LGR6: variants seen among roughly 807,000 people sequenced by gnomAD.
LGR6 encodes the protein leucine rich repeat containing G protein-coupled receptor 6.
In LGR6, 45 loss-of-function variants were observed where a neutral mutation model predicts 69.4. That is an observed-to-expected ratio of 0.65 (90% CI 0.51 to 0.83). The LOEUF is 0.83. Among genes scored for constraint, LGR6 ranks in the 40% least tolerant of loss-of-function variants. The pLI, the probability that LGR6 is intolerant of heterozygous loss-of-function variation, is 0.00. For missense variants in LGR6, 1,108 were observed against 1,246.7 expected (o/e 0.89, Z 1.68); for synonymous variants, 538 against 555.0 (o/e 0.97, Z 0.43).
intron 4 of LGR6, among the ~76,000 whole-genome samples, chr1:202,245,487 G>T (rs537057650): frequency 1.2e-4 from 18 of 152,254 alleles, no homozygotes; most frequent in Admixed American, 4.6e-4. Context: ...GGAGCAGTGC[G>T]GGAACACCTC....
chr1:202,314,947 G>A, intron 17 of LGR6, 65 bp downstream of exon 17: 1 of 1,194,732 alleles, frequency 8.4e-7, no homozygotes, highest in South Asian at 1.2e-5. Context: ...CCACCTAGTT[G>A]AGGTATTAGT....
At chr1:202,204,252 C>T (rs1330148226) in intron 1 of LGR6, among the ~76,000 whole-genome samples, 1 of 140,956 alleles carries the variant, frequency 7.1e-6, no homozygotes, top group Non-Finnish European at 1.5e-5. Flanking sequence ...CACCTCCACA[C>T]ACAACCTCCA....
intron 6 of LGR6, among the ~76,000 whole-genome samples, chr1:202,282,562 TAGGGCAGTGTTTGGAG>T (rs1478446571): frequency 6.6e-6 from 1 of 152,156 alleles, no homozygotes; most frequent in African/African-American, 2.4e-5. Flanking sequence ...TAAGAGCTTT[TAGGGCAGTGTTTGGAG>T]TTGCCATGGA....
chr1:202,314,741 A>AAGGT, intron 16 of LGR6, 61 bp from the exon 17 acceptor site: 1 of 1,197,682 alleles, frequency 8.3e-7, no homozygotes. Context: ...CATTTGGAGA[A>AAGGT]AGGTAGGGCT....
chr1:202,232,519 G>A (rs1168470378), intron 3 of LGR6, among the ~76,000 whole-genome samples: 3 of 152,020 alleles, frequency 2.0e-5, no homozygotes, highest in Non-Finnish European at 4.4e-5. Context: ...CCTGGGCATT[G>A]GGATTTTAAA....
At chr1:202,219,039 G>A (rs934158716) in intron 1 of LGR6, among the ~76,000 whole-genome samples, 17 of 152,160 alleles carry the variant, frequency 1.1e-4, no homozygotes, top group Admixed American at 6.5e-5. Flanking sequence ...AGGGCTGGCC[G>A]GGAACTTAGC....
intron 7 of LGR6, among the ~76,000 whole-genome samples, chr1:202,300,044 T>G (rs1667466083): frequency 6.6e-6 from 1 of 152,206 alleles, no homozygotes; most frequent in South Asian, 2.1e-4. Flanking sequence ...CTGCGTGCTG[T>G]TGACACTTCT....
At chr1:202,198,855 T>G (rs934192471) in intron 1 of LGR6, among the ~76,000 whole-genome samples, 1 of 151,516 alleles carries the variant, frequency 6.6e-6, no homozygotes, top group African/African-American at 2.4e-5. Flanking sequence ...TTGGAGAGGA[T>G]GTGTTGTGAG....
chr1:202,252,820 G>A (rs1663382128), intron 4 of LGR6, among the ~76,000 whole-genome samples: 2 of 152,214 alleles, frequency 1.3e-5, no homozygotes, highest in South Asian at 2.1e-4. Context: ...CAAGAGTCCT[G>A]AATCTGACTG....
In LGR6 at chr1:202,297,583, G is replaced by A. The variant is rs75131510; in HGVS notation, c.785+7G>A. 618 of 1,612,758 alleles carry A rather than the reference G, an allele frequency of 3.8e-4. 8 individuals carry two copies. The East Asian group carries it at 0.011, about 29-fold the overall frequency. On this transcript the variant is annotated splice_region_variant and intron_variant, in intron 7 of 17. Coordinates refer to ENST00000367278, the MANE Select transcript of LGR6 (RefSeq NM_001017403.2). ...TGGGCAGACTGCAGGAACTGTAAGCGCCTCTTTTGGTTTCTGTGGGTGTCC... is the reference window on the plus strand; with the variant it reads ...TGGGCAGACTGCAGGAACTGTAAGCACCTCTTTTGGTTTCTGTGGGTGTCC...
At chr1:202,295,732 A>C (rs1667105091) in intron 6 of LGR6, among the ~76,000 whole-genome samples, 1 of 152,212 alleles carries the variant, frequency 6.6e-6, no homozygotes. Flanking sequence ...CTCTGTGAGC[A>C]AATCAACAAG....
Position 202,318,029 on chromosome 1 carries a change from G to C in LGR6, c.1726G>C (p.Val576Leu). 6.2e-7 allele frequency: 1 copy of C among 1,614,136 alleles called. No individual in the cohort carries two copies. Among genetic ancestry groups the C allele is most frequent in the Non-Finnish European group, 8.5e-7 (1 of 1,180,030 alleles). ...LAVWAIVLLS[V>L]LCNGLVLLTV... ...CGTGTGGGCCATCGTGTTGCTCTCC[G>C]TGCTCTGCAATGGACTGGTGCTGCT... The change falls in exon 18 of 18, where the codon GTG (valine) becomes CTG (leucine). Residue 576 changes from valine (V) to leucine (L), a missense_variant. By Grantham distance (32) the Val-to-Leu change is conservative. Coordinates refer to ENST00000367278, the MANE Select transcript of LGR6 (RefSeq NM_001017403.2).
intron 4 of LGR6, among the ~76,000 whole-genome samples, chr1:202,271,488 G>A (rs1048043387): frequency 3.9e-5 from 6 of 152,114 alleles, no homozygotes; most frequent in African/African-American, 1.2e-4. Flanking sequence ...GGTTCCTGGG[G>A]GCAGGGAGCA....
Position 202,215,488 on chromosome 1 carries a change from C to T in LGR6, c.213-9935C>T, listed in dbSNP as rs530076669. Among the ~76,000 whole-genome samples, 38 of 152,288 alleles carry T rather than the reference C, an allele frequency of 2.5e-4. No homozygotes were observed. In the South Asian group the frequency reaches 7.9e-3, roughly 32 times the overall value. On this transcript the variant is annotated intron_variant, in intron 1 of 17. Coordinates refer to ENST00000367278, the MANE Select transcript of LGR6 (RefSeq NM_001017403.2). ...CAGAATTCACGCCCACATACCTCCA[C>T]ACACAGAAACAGTGCCCTCCTAGAT...
chr1:202,236,797 G>C (rs1000622174), intron 4 of LGR6, among the ~76,000 whole-genome samples: 1 of 152,148 alleles, frequency 6.6e-6, no homozygotes, highest in Admixed American at 6.5e-5. Flanking sequence ...GTTAGCTAGT[G>C]GGGGAAACTG....
intron 4 of LGR6, among the ~76,000 whole-genome samples, chr1:202,243,608 C>T (rs1263874860): frequency 6.6e-6 from 1 of 151,138 alleles, no homozygotes; most frequent in Non-Finnish European, 1.5e-5. Context: ...GGTGACTTGC[C>T]TGGGATTCCC....
At chr1:202,295,378 A>T (rs914794708) in intron 6 of LGR6, among the ~76,000 whole-genome samples, 1 of 151,676 alleles carries the variant, frequency 6.6e-6, no homozygotes, top group South Asian at 2.1e-4. Context: ...CTTCCATGTC[A>T]TTTATGGGAA....
chr1:202,240,064 G>A (rs981776908), intron 4 of LGR6, among the ~76,000 whole-genome samples: 2 of 152,036 alleles, frequency 1.3e-5, no homozygotes, highest in Admixed American at 6.6e-5. Flanking sequence ...AGTCTGGCAC[G>A]TGGTAAGAGC....
rs74617752 is a variant in LGR6 at position 202,268,131 on chromosome 1, C to T, written c.429-8175C>T. Among the ~76,000 whole-genome samples, 1,204 of 152,324 alleles carry T rather than the reference C, an allele frequency of 7.9e-3. 20 individuals are homozygous for T. Among genetic ancestry groups the T allele is most frequent in the African/African-American group, 0.027 (1,142 of 41,564 alleles). ...TCTGTGGGTACAGATTCTGTGTGTT[C>T]CCCAGTCGAGCAAGCCCTCCTGCCA... is the stretch of plus-strand genomic sequence containing the variant. On this transcript the variant is annotated intron_variant, in intron 4 of 17. Coordinates refer to ENST00000367278, the MANE Select transcript of LGR6 (RefSeq NM_001017403.2). The surrounding 1 kb of genome is among the most constrained non-coding windows in gnomAD (Gnocchi z 4.4).
Sources: allele counts gnomAD v4.1 joint callset (sites outside exome capture counted in the v4.1 genomes callset), GRCh38; gene constraint gnomAD v4.1.1; non-coding constraint Gnocchi (gnomAD v3.1); transcripts MANE v1.5; gene names NCBI Gene and HGNC (gene_info 2026-07-23, HGNC 2026-07-21).